Variants in AUTS2 observed in about 807,000 individuals in gnomAD.
AUTS2 encodes autism susceptibility gene 2 protein.
Under a neutral mutation model 112.4 loss-of-function variants are expected in AUTS2, and 17 were observed. The ratio of observed to expected loss-of-function variants is 0.15; its 90% CI spans 0.10 to 0.23. The LOEUF (loss-of-function observed/expected upper bound fraction) is 0.23, where lower values mean the gene tolerates loss of function less well. AUTS2 is among the 10% of genes least tolerant of loss of function. The pLI, the probability that AUTS2 is intolerant of heterozygous loss-of-function variation, is 1.00. For missense variants in AUTS2, 1,510 were observed against 1,701.6 expected (o/e 0.89, Z 1.98); for synonymous variants, 751 against 702.7 (o/e 1.07, Z -1.09).
In AUTS2 at chr7:70,678,113, T is replaced by TA. The variant is rs1329709441; in HGVS notation, c.691-20456_691-20455insA. On this transcript the variant is annotated intron_variant, in intron 5 of 18. Transcript: ENST00000342771. ...AATTAATAAATAATAATAATAATAA[T>TA]TTTAGTAGGTTCTACCTTCCCCACG... Among the ~76,000 whole-genome samples the TA allele has an allele frequency of 3.2e-3, 493 of 152,076 alleles. 2 individuals are homozygous for TA. Among genetic ancestry groups the TA allele is most frequent in the African/African-American group, 0.011 (472 of 41,490 alleles).
intron 2 of AUTS2, among the ~76,000 whole-genome samples, chr7:69,973,411 CT>C (rs1371544976): frequency 6.6e-6 from 1 of 152,152 alleles, no homozygotes; most frequent in Non-Finnish European, 1.5e-5. Context: ...GATATCTATG[CT>C]TTTTAAATTT....
chr7:70,084,536 A>G (rs1803491445), intron 2 of AUTS2, among the ~76,000 whole-genome samples: 1 of 152,186 alleles, frequency 6.6e-6, no homozygotes, highest in African/African-American at 2.4e-5. Context: ...TATCCTTGCC[A>G]ATACTTGTTA....
chr7:69,708,313 TC>T (rs1208770743), intron 1 of AUTS2, among the ~76,000 whole-genome samples: 4 of 92,910 alleles, frequency 4.3e-5, no homozygotes, highest in African/African-American at 1.4e-4. Flanking sequence ...TTTGAGTCTC[TC>T]TCTTCTTTTT....
intron 2 of AUTS2, among the ~76,000 whole-genome samples, chr7:70,079,786 T>G (rs1043848160): frequency 6.6e-6 from 1 of 152,156 alleles, no homozygotes; most frequent in Admixed American, 6.6e-5. Flanking sequence ...TGTTTTGTTC[T>G]GCTGTAACAG....
intron 1 of AUTS2, among the ~76,000 whole-genome samples, chr7:69,851,279 G>A (rs983337694): frequency 4.6e-5 from 7 of 152,162 alleles, no homozygotes; most frequent in African/African-American, 9.7e-5. Context: ...ATCATATAGA[G>A]TGATTCCTCT....
intron 12 of AUTS2, chr7:70,774,988 C>T (rs893692111): frequency 1.6e-5 from 4 of 243,500 alleles, no homozygotes; most frequent in Non-Finnish European, 3.1e-5. Context: ...AGTTAGTAGA[C>T]AGCTTTAAAA....
chr7:69,672,520 G>A (rs1796382050), intron 1 of AUTS2, among the ~76,000 whole-genome samples: 1 of 152,198 alleles, frequency 6.6e-6, no homozygotes, highest in Non-Finnish European at 1.5e-5. Flanking sequence ...TTTCAGGAAA[G>A]AGTAACTATA....
At chr7:69,723,607 A>G (rs943585952) in intron 1 of AUTS2, among the ~76,000 whole-genome samples, 29 of 152,168 alleles carry the variant, frequency 1.9e-4, no homozygotes, top group African/African-American at 6.5e-4. Flanking sequence ...AAGGACTGGT[A>G]TTATGGATTC....
intron 4 of AUTS2, chr7:70,291,942 G>T (rs1458769098): frequency 6.6e-6 from 1 of 152,204 alleles, no homozygotes; most frequent in Non-Finnish European, 1.5e-5. Flanking sequence ...TTCACACTTT[G>T]AAGGTGCTGC....
chr7:70,521,392 G>A (rs1380394975), intron 5 of AUTS2, among the ~76,000 whole-genome samples: 2 of 152,146 alleles, frequency 1.3e-5, no homozygotes, highest in Non-Finnish European at 2.9e-5. Context: ...TCCTCATGGT[G>A]GGCAGTGGGA....
At chr7:69,815,498 A>G (rs1662588246) in intron 1 of AUTS2, among the ~76,000 whole-genome samples, 2 of 152,018 alleles carry the variant, frequency 1.3e-5, no homozygotes, top group Admixed American at 6.6e-5. Flanking sequence ...GTTGTTTTGC[A>G]TCTTCTCCAG....
chr7:70,650,707 A>G (rs908199405), intron 5 of AUTS2, among the ~76,000 whole-genome samples: 2 of 152,206 alleles, frequency 1.3e-5, no homozygotes. Flanking sequence ...AAGTACATAC[A>G]TTTACCTCTA....
chr7:69,722,049 A>G (rs966681326), intron 1 of AUTS2, among the ~76,000 whole-genome samples: 2 of 151,668 alleles, frequency 1.3e-5, no homozygotes, highest in African/African-American at 4.8e-5. Flanking sequence ...TTAAGGATGG[A>G]TTGGAAGAGG....
intron 5 of AUTS2, among the ~76,000 whole-genome samples, chr7:70,463,799 G>A (rs537925945): frequency 2.0e-5 from 3 of 152,164 alleles, no homozygotes; most frequent in Non-Finnish European, 2.9e-5. Context: ...AAAACATTCC[G>A]GAGGACACCA....
chr7:70,545,150 G>A (rs528990663), intron 5 of AUTS2, among the ~76,000 whole-genome samples: 57 of 152,282 alleles, frequency 3.7e-4, no homozygotes, highest in African/African-American at 1.3e-3. Flanking sequence ...CCAAATCATC[G>A]GTAGGAAGAG....
intron 5 of AUTS2, among the ~76,000 whole-genome samples, chr7:70,455,080 G>A (rs188371272): frequency 3.3e-5 from 5 of 152,260 alleles, no homozygotes; most frequent in African/African-American, 7.2e-5. Flanking sequence ...ATGTGTTGTT[G>A]TTGTTTGTTT....
chr7:69,616,317 A>C (rs1793372064), intron 1 of AUTS2, among the ~76,000 whole-genome samples: 1 of 152,184 alleles, frequency 6.6e-6, no homozygotes, highest in Non-Finnish European at 1.5e-5. Flanking sequence ...CATGTTGCCC[A>C]AATATTTCCT....
intron 2 of AUTS2, among the ~76,000 whole-genome samples, chr7:69,959,214 T>C (rs1797334729): frequency 6.6e-6 from 1 of 152,130 alleles, no homozygotes; most frequent in Non-Finnish European, 1.5e-5. Flanking sequence ...AACTCTCGTA[T>C]TGTTCCTGTT....
intron 1 of AUTS2, among the ~76,000 whole-genome samples, chr7:69,648,662 T>C (rs1471896432): frequency 6.6e-6 from 1 of 152,156 alleles, no homozygotes; most frequent in African/African-American, 2.4e-5. Context: ...GGTATAATTT[T>C]CCAAATTAAT....
Sources: allele counts gnomAD v4.1 joint callset (sites outside exome capture counted in the v4.1 genomes callset), GRCh38; gene constraint gnomAD v4.1.1; transcripts MANE v1.5; gene names NCBI Gene and HGNC (gene_info 2026-07-23, HGNC 2026-07-21).